PDE3B: variants seen among roughly 807,000 people sequenced by gnomAD.
The protein encoded by PDE3B is cGMP-inhibited 3',5'-cyclic phosphodiesterase 3B.
Under a neutral mutation model 116.8 loss-of-function variants are expected in PDE3B, and 66 were observed. The observed-to-expected ratio is 0.56, with a 90% CI of 0.46 to 0.69. The LOEUF (loss-of-function observed/expected upper bound fraction) is 0.69, where lower values mean the gene tolerates loss of function less well. Among genes scored for constraint, PDE3B ranks in the 30% least tolerant of loss-of-function variants. The pLI is 0.00. For synonymous variants in PDE3B, 595 were observed against 533.6 expected (o/e 1.12, Z -1.59); for missense variants, 1,384 against 1,368.1 (o/e 1.01, Z -0.18).
chr11:14,848,241 A>C (rs1222525263), intron 12 of PDE3B, among the ~76,000 whole-genome samples: 1 of 140,452 alleles, frequency 7.1e-6, no homozygotes, highest in Non-Finnish European at 1.5e-5. Context: ...CAAAAACCAC[A>C]TGATTATCTC....
chr11:14,859,975 T>C (rs575128089), intron 13 of PDE3B, among the ~76,000 whole-genome samples: 36 of 152,232 alleles, frequency 2.4e-4, no homozygotes, highest in African/African-American at 8.7e-4. Flanking sequence ...TTGATGACTT[T>C]TGTGACCTAA....
chr11:14,764,337 T>G (rs1857438244), intron 1 of PDE3B, among the ~76,000 whole-genome samples: 2 of 152,054 alleles, frequency 1.3e-5, no homozygotes, highest in Non-Finnish European at 2.9e-5. Flanking sequence ...GCTGCAAGGC[T>G]TCTTAGGTGT....
At chr11:14,859,467 A>G (rs1015728206) in intron 13 of PDE3B, among the ~76,000 whole-genome samples, 1 of 152,172 alleles carries the variant, frequency 6.6e-6, no homozygotes, top group Non-Finnish European at 1.5e-5. Context: ...TTCTTTCGAC[A>G]CATAAACTTA....
chr11:14,664,798 C>T (rs1469167099), intron 1 of PDE3B, among the ~76,000 whole-genome samples: 2 of 152,130 alleles, frequency 1.3e-5, no homozygotes, highest in Admixed American at 6.5e-5. Flanking sequence ...CAAAAAGAGT[C>T]CAGGACCAGA....
intron 5 of PDE3B, among the ~76,000 whole-genome samples, chr11:14,811,172 A>G (rs911680992): frequency 6.6e-6 from 1 of 151,958 alleles, no homozygotes; most frequent in Non-Finnish European, 1.5e-5. Context: ...CTTGAGTTTA[A>G]TTAGATCCCA....
In PDE3B at chr11:14,750,578, T is replaced by C. The variant is rs182987764; in HGVS notation, c.979-21359T>C. On this transcript the variant is annotated intron_variant, in intron 1 of 15. Coordinates refer to ENST00000282096, the MANE Select transcript of PDE3B (RefSeq NM_000922.4). ...ACATATATTATTGAATCATGTTTAT[T>C]TTAATAATATTTATAATGTAGATAT... is the stretch of plus-strand genomic sequence containing the variant. Among the ~76,000 whole-genome samples, 357 of 152,104 alleles carry C rather than the reference T, an allele frequency of 2.3e-3. 1 individual carries two copies. Among genetic ancestry groups the C allele is most frequent in the African/African-American group, 8.1e-3 (335 of 41,542 alleles).
chr11:14,818,437 T>C, intron 6 of PDE3B, 44 bp downstream of exon 6: 2 of 1,348,898 alleles, frequency 1.5e-6, no homozygotes, highest in Non-Finnish European at 2.1e-6. Context: ...AAAATGTTGA[T>C]TACAGTTAAG....
intron 5 of PDE3B, among the ~76,000 whole-genome samples, chr11:14,817,274 T>C (rs1302024936): frequency 2.3e-5 from 3 of 128,636 alleles, no homozygotes; most frequent in South Asian, 2.5e-4. Flanking sequence ...CATCACACAC[T>C]GGGGCCTATA....
intron 1 of PDE3B, among the ~76,000 whole-genome samples, chr11:14,653,162 G>T (rs1853613724): frequency 6.6e-6 from 1 of 151,552 alleles, no homozygotes; most frequent in Non-Finnish European, 1.5e-5. Context: ...TGTTCTAATG[G>T]TTTTTTTTGG....
At chr11:14,789,276 T>C in intron 4 of PDE3B, 34 bp downstream of exon 4, 1 of 1,519,788 alleles carries the variant, frequency 6.6e-7, no homozygotes, top group Non-Finnish European at 9.0e-7. Flanking sequence ...GAAACTTGAA[T>C]CAAATGCATC....
intron 1 of PDE3B, among the ~76,000 whole-genome samples, chr11:14,745,660 T>A (rs957835870): frequency 7.3e-5 from 11 of 151,604 alleles, no homozygotes; most frequent in Admixed American, 2.0e-4. Context: ...TTATGTATAT[T>A]TTTTTTATTT....
intron 1 of PDE3B, among the ~76,000 whole-genome samples, chr11:14,688,113 T>TCTCTCTCTCTC (rs1854931993): frequency 1.8e-5 from 2 of 109,938 alleles, no homozygotes; most frequent in African/African-American, 7.0e-5. Context: ...CTCTCTCTCT[T>TCTCTCTCTCTC]TCTCTCTCTC....
At chr11:14,742,894 G>T (rs1401996963) in intron 1 of PDE3B, among the ~76,000 whole-genome samples, 1 of 152,108 alleles carries the variant, frequency 6.6e-6, no homozygotes, top group Non-Finnish European at 1.5e-5. Flanking sequence ...CACCAGGAGA[G>T]GCTGCAGAAC....
intron 5 of PDE3B, 138 bp downstream of exon 5, chr11:14,804,188 G>A (rs1231412817): frequency 1.7e-5 from 10 of 585,100 alleles, no homozygotes; most frequent in Admixed American, 3.0e-5. Flanking sequence ...AGCAGTTTGG[G>A]TTGGCTACTA....
intron 1 of PDE3B, among the ~76,000 whole-genome samples, chr11:14,705,334 CAT>C (rs955707648): frequency 6.6e-5 from 10 of 151,892 alleles, no homozygotes; most frequent in Non-Finnish European, 1.0e-4. Context: ...TGAACACACA[CAT>C]GGATAAGTCT....
At chr11:14,838,724 A>G (rs34139819) in intron 11 of PDE3B, among the ~76,000 whole-genome samples, 138 of 152,344 alleles carry the variant, frequency 9.1e-4, no homozygotes, top group Non-Finnish European at 1.5e-3. Flanking sequence ...ACCAATTCAT[A>G]TTGGTAGAAA....
In PDE3B at chr11:14,659,324, T is replaced by A. The variant is rs144904826; in HGVS notation, c.978+14271T>A. ...GCTTGCAGAGTTAAAAATTCCTAGA[T>A]GTTTCAATGGTTCTCAGTTAACAAG... On this transcript the variant is annotated intron_variant, in intron 1 of 15. Transcript: ENST00000282096. Among the ~76,000 whole-genome samples the A allele has an allele frequency of 8.5e-5, 13 of 152,358 alleles. No individual in the cohort carries two copies. The East Asian group carries it at 2.5e-3, about 29-fold the overall frequency.
At chr11:14,858,723 T>C (rs1012211345) in intron 12 of PDE3B, among the ~76,000 whole-genome samples, 3 of 152,204 alleles carry the variant, frequency 2.0e-5, no homozygotes, top group Non-Finnish European at 4.4e-5. Context: ...TCTGATTAAA[T>C]GAAATAGACC....
intron 5 of PDE3B, among the ~76,000 whole-genome samples, chr11:14,808,047 G>A (rs188885277): frequency 5.4e-5 from 8 of 148,482 alleles, no homozygotes; most frequent in African/African-American, 1.7e-4. Context: ...ACGACAAAGC[G>A]AGCCTTCGTC....
Sources: gnomAD v4.1 joint callset for allele counts (sites outside exome capture counted in the v4.1 genomes callset) on GRCh38, gnomAD v4.1.1 for gene constraint, MANE v1.5 for transcripts, NCBI Gene and HGNC (gene_info 2026-07-23, HGNC 2026-07-21) for gene names.